Variants in CA10 observed in about 807,000 individuals in gnomAD.
The protein encoded by CA10 is carbonic anhydrase-related protein 10.
In CA10, 14 loss-of-function variants were observed where a neutral mutation model predicts 44.2. The observed-to-expected ratio is 0.32, with a 90% CI of 0.21 to 0.50. The LOEUF (loss-of-function observed/expected upper bound fraction) is 0.50. CA10 is among the 20% of genes least tolerant of loss of function. CA10 has a pLI of 0.99. For synonymous variants in CA10, 159 were observed against 141.6 expected, an observed-to-expected ratio of 1.12 and a Z score of -0.87; for missense variants, 350 against 409.7, an observed-to-expected ratio of 0.85 and a Z score of 1.26.
intron 3 of CA10, among the ~76,000 whole-genome samples, chr17:51,780,861 G>A (rs1906029441): frequency 6.6e-6 from 1 of 152,302 alleles, no homozygotes; most frequent in East Asian, 1.9e-4. Context: ...TGAAGAGCAA[G>A]GAAGCAAAGA....
At chr17:51,717,432 T>C (rs1325025179) in intron 4 of CA10, among the ~76,000 whole-genome samples, 1 of 150,862 alleles carries the variant, frequency 6.6e-6, no homozygotes, top group African/African-American at 2.4e-5. Flanking sequence ...TCGAAAAAGA[T>C]ACTTGTGCAC....
intron 3 of CA10, among the ~76,000 whole-genome samples, chr17:51,764,862 C>T (rs899153204): frequency 4.6e-5 from 7 of 152,224 alleles, no homozygotes; most frequent in Non-Finnish European, 1.0e-4. Flanking sequence ...GGGAAATAAA[C>T]GTCTCCTTAA....
chr17:51,752,071 A>G (rs960142552), intron 3 of CA10, among the ~76,000 whole-genome samples: 3 of 152,066 alleles, frequency 2.0e-5, no homozygotes, highest in African/African-American at 7.2e-5. Context: ...GTGTTCTTAC[A>G]ACGAGATGCA....
chr17:52,000,904 C>A, intron 2 of CA10, among the ~76,000 whole-genome samples: 1 of 61,226 alleles, frequency 1.6e-5, no homozygotes, highest in Non-Finnish European at 3.1e-5. Flanking sequence ...GATCAAGTGG[C>A]TGGGGGGTGG....
chr17:51,747,683 C>G lies in CA10; in HGVS notation c.415G>C (p.Asp139His). ...EEIRLHFGSE[D>H]SQGSEHLLNG... ...AGGAGGTGCTCCGACCCTTGGCTGT[C>G]CTCACTCCCAAAGTGTAGTCGGATC... Residue 139 changes from aspartate to histidine, a missense_variant, in exon 4 of 9, where the codon GAC (aspartate) becomes CAC (histidine). By Grantham distance (81) the Asp-to-His change is moderately conservative. Coordinates refer to ENST00000451037, the MANE Select transcript of CA10 (RefSeq NM_020178.5). 1.2e-6 allele frequency: 2 copies of G among 1,614,176 alleles called. No individual in the cohort carries two copies. Among genetic ancestry groups the G allele is most frequent in the Non-Finnish European group, 1.7e-6 (2 of 1,179,998 alleles).
intron 3 of CA10, among the ~76,000 whole-genome samples, chr17:51,806,120 G>C (rs1907126667): frequency 6.6e-6 from 1 of 152,200 alleles, no homozygotes; most frequent in Non-Finnish European, 1.5e-5. Flanking sequence ...TGAGGAGCTT[G>C]AGTTTTCTCC....
intron 2 of CA10, among the ~76,000 whole-genome samples, chr17:52,016,236 C>A (rs1985964273): frequency 6.6e-6 from 1 of 152,076 alleles, no homozygotes; most frequent in African/African-American, 2.4e-5. Context: ...TACAGGCAAT[C>A]TTTCTGTTCT....
intron 2 of CA10, among the ~76,000 whole-genome samples, chr17:51,932,662 G>T (rs924827293): frequency 6.6e-6 from 1 of 152,066 alleles, no homozygotes; most frequent in African/African-American, 2.4e-5. Context: ...CTTTCAAAAT[G>T]GTAGCAATGG....
At chr17:51,665,037 C>G (rs563406165) in intron 4 of CA10, among the ~76,000 whole-genome samples, 1 of 152,224 alleles carries the variant, frequency 6.6e-6, no homozygotes, top group East Asian at 1.9e-4. Context: ...AGGGTTAATT[C>G]AGAAGAGTCA....
intron 3 of CA10, among the ~76,000 whole-genome samples, chr17:51,904,609 C>T (rs985583104): frequency 1.6e-4 from 25 of 152,108 alleles, no homozygotes; most frequent in African/African-American, 5.6e-4. Context: ...ACAAAAAACT[C>T]ACAATAAAAA....
intron 3 of CA10, among the ~76,000 whole-genome samples, chr17:51,781,952 A>C (rs1257116096): frequency 6.6e-6 from 1 of 152,200 alleles, no homozygotes; most frequent in East Asian, 1.9e-4. Flanking sequence ...TTTGCTCCAA[A>C]TCTTAACAGC....
At chr17:52,050,992 G>A (rs1987049303) in intron 2 of CA10, among the ~76,000 whole-genome samples, 1 of 138,188 alleles carries the variant, frequency 7.2e-6, no homozygotes, top group Admixed American at 7.0e-5. Context: ...GAAAAAAAAG[G>A]GAAGGAAGGA....
chr17:51,834,982 G>A (rs988213895), intron 3 of CA10, among the ~76,000 whole-genome samples: 6 of 152,162 alleles, frequency 3.9e-5, no homozygotes, highest in African/African-American at 1.4e-4. Flanking sequence ...TATAGTGTGA[G>A]GTTGTGCTCT....
intron 2 of CA10, among the ~76,000 whole-genome samples, chr17:52,053,892 T>C (rs910784273): frequency 6.6e-6 from 1 of 152,144 alleles, no homozygotes; most frequent in African/African-American, 2.4e-5. Flanking sequence ...ATCAATACCC[T>C]TGTGATTTCC....
intron 3 of CA10, among the ~76,000 whole-genome samples, chr17:51,814,027 CTTTTCCA>C (rs1257313796): frequency 3.3e-5 from 5 of 152,124 alleles, no homozygotes; most frequent in Non-Finnish European, 7.3e-5. Flanking sequence ...GCAGAGAGTG[CTTTTCCA>C]GAGCTCAGAG....
intron 3 of CA10, among the ~76,000 whole-genome samples, chr17:51,886,470 T>C (rs1414034442): frequency 6.6e-6 from 1 of 152,220 alleles, no homozygotes; most frequent in Non-Finnish European, 1.5e-5. Context: ...AGTAGTGTAC[T>C]AGAATTTGCA....
At chr17:51,842,329 A>G (rs1978329110) in intron 3 of CA10, among the ~76,000 whole-genome samples, 1 of 152,216 alleles carries the variant, frequency 6.6e-6, no homozygotes, top group South Asian at 2.1e-4. Context: ...TGATTCTGGG[A>G]CAAGGAACTC....
intron 2 of CA10, among the ~76,000 whole-genome samples, chr17:52,047,717 T>C (rs1378489277): frequency 6.6e-6 from 1 of 151,914 alleles, no homozygotes; most frequent in Admixed American, 6.6e-5. Context: ...TATGAGAGAA[T>C]ATAAAAAATT....
intron 2 of CA10, among the ~76,000 whole-genome samples, chr17:51,979,074 G>A (rs73987337): frequency 0.018 from 2,750 of 152,116 alleles, 86 homozygotes; most frequent in African/African-American, 0.063. Flanking sequence ...CTCTGAGCAT[G>A]TGGTGTCTCC....
Sources: allele counts gnomAD v4.1 joint callset (sites outside exome capture counted in the v4.1 genomes callset), GRCh38; gene constraint gnomAD v4.1.1; transcripts MANE v1.5; gene names NCBI Gene and HGNC (gene_info 2026-07-23, HGNC 2026-07-21).